Variants in TNR observed in about 807,000 individuals in gnomAD.
TNR encodes tenascin R, also known as tenascin-R.
A neutral mutation model predicts 150.4 loss-of-function variants in TNR; 45 were observed. That is an observed-to-expected ratio of 0.30 (90% CI 0.24 to 0.38). The LOEUF (loss-of-function observed/expected upper bound fraction) is 0.38. TNR is among the 10% of genes least tolerant of loss of function. The pLI is 1.00. For synonymous variants in TNR, 687 were observed against 678.4 expected, an observed-to-expected ratio of 1.01 and a Z score of -0.20; for missense variants, 1,544 against 1,759.1, an observed-to-expected ratio of 0.88 and a Z score of 2.19.
At chr1:175,613,423 A>T (rs913153809) in intron 1 of TNR, among the ~76,000 whole-genome samples, 1 of 152,092 alleles carries the variant, frequency 6.6e-6, no homozygotes, top group African/African-American at 2.4e-5. Flanking sequence ...GGCAAATCCT[A>T]CAAGTTAGCA....
At chr1:175,476,409 C>T (rs1243463155) in intron 2 of TNR, among the ~76,000 whole-genome samples, 1 of 152,166 alleles carries the variant, frequency 6.6e-6, no homozygotes, top group Non-Finnish European at 1.5e-5. Context: ...TTGGGAGGAA[C>T]TTCTCTGTAG....
chr1:175,347,324 C>G (rs1241514340), intron 18 of TNR, among the ~76,000 whole-genome samples: 1 of 152,136 alleles, frequency 6.6e-6, no homozygotes, highest in Non-Finnish European at 1.5e-5. Context: ...TTTTAAACCT[C>G]AAATCTAAAC....
At chr1:175,459,178 C>T (rs1263103416) in intron 2 of TNR, among the ~76,000 whole-genome samples, 1 of 151,370 alleles carries the variant, frequency 6.6e-6, no homozygotes, top group African/African-American at 2.4e-5. Context: ...TCATGACCTC[C>T]CCCATTGCCA....
At chr1:175,720,718 T>C (rs1023617273) in intron 1 of TNR, among the ~76,000 whole-genome samples, 1 of 152,228 alleles carries the variant, frequency 6.6e-6, no homozygotes, top group Non-Finnish European at 1.5e-5. Context: ...AGTTTGAGCA[T>C]GTCTGCCTTT....
chr1:175,728,478 G>A (rs1029514370), intron 1 of TNR, among the ~76,000 whole-genome samples: 1 of 152,170 alleles, frequency 6.6e-6, no homozygotes, highest in Admixed American at 6.5e-5. Context: ...GAGAGAGATG[G>A]TTTCCTAGCA....
chr1:175,509,710 T>C (rs1477430449), intron 2 of TNR, among the ~76,000 whole-genome samples: 1 of 152,218 alleles, frequency 6.6e-6, no homozygotes, highest in Non-Finnish European at 1.5e-5. Context: ...AGTTAAGAAT[T>C]CATAGTCTGA....
chr1:175,406,367 G>A lies in TNR; in HGVS notation c.348C>T (p.His116=). 1.2e-6 allele frequency: 2 copies of A among 1,614,152 alleles called. No homozygotes were observed. The highest frequency in any genetic ancestry group is 1.7e-6 in the Non-Finnish European group (2 of 1,180,010). ...AGGCCTTTTTGGGGAAGTTGATCCT[G>A]TGTGTAAAGGTGACCTGGCTCTCGT... ...SDHESQVTFT[H]RINFPKKACP... Residue 116 remains histidine, a synonymous_variant, in exon 3 of 23, where the codon CAC becomes CAT. Coordinates refer to ENST00000367674, the MANE Select transcript of TNR (RefSeq NM_003285.3).
intron 2 of TNR, among the ~76,000 whole-genome samples, chr1:175,480,196 A>T (rs1368749265): frequency 6.6e-6 from 1 of 152,020 alleles, no homozygotes; most frequent in Non-Finnish European, 1.5e-5. Flanking sequence ...ATGTGCCCTG[A>T]ATCCTGTGCT....
At chr1:175,612,304 C>T (rs1663624159) in intron 1 of TNR, among the ~76,000 whole-genome samples, 1 of 152,184 alleles carries the variant, frequency 6.6e-6, no homozygotes, top group Non-Finnish European at 1.5e-5. Context: ...CAACGGTAGC[C>T]CTCAAAGCTC....
chr1:175,454,881 C>T (rs1290634590), intron 2 of TNR, among the ~76,000 whole-genome samples: 1 of 152,162 alleles, frequency 6.6e-6, no homozygotes, highest in Non-Finnish European at 1.5e-5. Flanking sequence ...AGTATGGCTA[C>T]AAGTTCTTTT....
intron 9 of TNR, among the ~76,000 whole-genome samples, chr1:175,376,005 T>TC (rs1389748680): frequency 2.0e-5 from 3 of 152,118 alleles, no homozygotes; most frequent in South Asian, 2.1e-4. Context: ...GAAGCTGGTC[T>TC]CCCCCCTGAG....
intron 1 of TNR, among the ~76,000 whole-genome samples, chr1:175,575,271 T>C (rs1662052921): frequency 6.6e-6 from 1 of 152,192 alleles, no homozygotes; most frequent in Admixed American, 6.5e-5. Context: ...GGACAGGTGG[T>C]GTGAACAAGA....
chr1:175,526,756 C>T (rs963597241), intron 2 of TNR, among the ~76,000 whole-genome samples: 2 of 152,230 alleles, frequency 1.3e-5, no homozygotes, highest in South Asian at 2.1e-4. Flanking sequence ...TCAGGCCAGC[C>T]TGTGAGCACC....
chr1:175,651,657 A>C (rs1360467040), intron 1 of TNR, among the ~76,000 whole-genome samples: 3 of 152,054 alleles, frequency 2.0e-5, no homozygotes, highest in Non-Finnish European at 4.4e-5. Flanking sequence ...AAACAAAATA[A>C]TCCCTACATC....
In TNR at chr1:175,529,784, C is replaced by T. The variant is rs1421438435; in HGVS notation, c.-164-1415G>A. On this transcript the variant is annotated intron_variant, in intron 1 of 22. Transcript: ENST00000367674. The stretch of plus-strand genomic sequence containing the variant: ...GCTTCCACCCACTGACCTTTCTTTT[C>T]CTCATCCTCACCTGTGAGGTGCTAA... Among the ~76,000 whole-genome samples the T allele has an allele frequency of 5.3e-5, 8 of 152,290 alleles. No homozygotes were observed. The East Asian group carries it at 1.5e-3, about 29-fold the overall frequency.
chr1:175,440,140 G>A (rs561440971), intron 2 of TNR, among the ~76,000 whole-genome samples: 6 of 152,266 alleles, frequency 3.9e-5, no homozygotes, highest in Admixed American at 2.6e-4. Context: ...GTCCAACAAT[G>A]ATAGACTGGA....
At chr1:175,638,517 A>G (rs573854065) in intron 1 of TNR, among the ~76,000 whole-genome samples, 42 of 152,358 alleles carry the variant, frequency 2.8e-4, no homozygotes, top group African/African-American at 9.1e-4. Context: ...ATGACCATCC[A>G]GCAAAATACT....
chr1:175,424,200 C>T (rs376109146), intron 2 of TNR, among the ~76,000 whole-genome samples: 42 of 152,244 alleles, frequency 2.8e-4, no homozygotes, highest in East Asian at 1.4e-3. Flanking sequence ...TTGCTATCTC[C>T]GGGGAAGCAC....
intron 1 of TNR, among the ~76,000 whole-genome samples, chr1:175,554,759 T>C (rs1369088752): frequency 1.3e-5 from 2 of 152,206 alleles, no homozygotes; most frequent in Non-Finnish European, 2.9e-5. Flanking sequence ...AGTAGAATGC[T>C]TCTCTTTGTT....
Sources: allele counts gnomAD v4.1 joint callset (sites outside exome capture counted in the v4.1 genomes callset), GRCh38; gene constraint gnomAD v4.1.1; transcripts MANE v1.5; gene names NCBI Gene and HGNC (gene_info 2026-07-23, HGNC 2026-07-21).